OSBPL3: variants seen among roughly 807,000 people sequenced by gnomAD.
OSBPL3 encodes the protein oxysterol-binding protein-related protein 3.
A neutral mutation model predicts 120.1 loss-of-function variants in OSBPL3; 65 were observed. The observed-to-expected ratio is 0.54, with a 90% CI of 0.44 to 0.67. The LOEUF is 0.67. OSBPL3 is among the 30% of genes least tolerant of loss of function. The pLI is 0.00. For synonymous variants in OSBPL3, 416 were observed against 402.6 expected, an observed-to-expected ratio of 1.03 and a Z score of -0.40; for missense variants, 1,004 against 1,082.1, an observed-to-expected ratio of 0.93 and a Z score of 1.01.
intron 16 of OSBPL3, among the ~76,000 whole-genome samples, chr7:24,829,613 G>A (rs1796132164): frequency 6.6e-6 from 1 of 152,164 alleles, no homozygotes; most frequent in Non-Finnish European, 1.5e-5. Flanking sequence ...TAGGGGGTGA[G>A]AAATGTACAG....
chr7:24,886,108 C>T (rs1804493819), intron 2 of OSBPL3, among the ~76,000 whole-genome samples: 1 of 152,090 alleles, frequency 6.6e-6, no homozygotes, highest in Admixed American at 6.5e-5. Flanking sequence ...TTTATTCATT[C>T]ATTAATTTAA....
Position 24,952,229 on chromosome 7 carries a change from T to C in OSBPL3, c.-150+27657A>G, listed in dbSNP as rs367753588. ...TTCTGCTCAATAGGCTGATATTTCA[T>C]GTGGGTTAGGATCTGTAATCTAAAC... On this transcript the variant is annotated intron_variant, in intron 1 of 22. Coordinates refer to ENST00000313367, the MANE Select transcript of OSBPL3 (RefSeq NM_015550.4). The surrounding 1 kb of genome is among the most constrained non-coding windows in gnomAD (Gnocchi z 4.4). 2.0e-4 allele frequency among the ~76,000 whole-genome samples: 31 copies of C among 152,316 alleles called. No individual in the cohort carries two copies. In the East Asian group the frequency reaches 5.2e-3, roughly 26 times the overall value.
In OSBPL3 at chr7:24,965,748, A is replaced by C. The variant is rs1212651090; in HGVS notation, c.-150+14138T>G. On this transcript the variant is annotated intron_variant, in intron 1 of 22. Transcript: ENST00000313367. This position sits in a 1 kb window ranked among gnomAD's most constrained non-coding sequence, Gnocchi z 4.3. Reference sequence around the variant, plus strand: ...TTTGTTTTTGTGGAGACTGAGTCTCAGTATTCTAACCAGGCTGGTTTTGAA... The same window carrying C: ...TTTGTTTTTGTGGAGACTGAGTCTCCGTATTCTAACCAGGCTGGTTTTGAA... 1.3e-5 allele frequency among the ~76,000 whole-genome samples: 2 copies of C among 152,184 alleles called. No individual in the cohort carries two copies. The highest frequency in any genetic ancestry group is 4.8e-5 in the African/African-American group (2 of 41,442).
rs1163899698 is a variant in OSBPL3 at position 24,863,322 on chromosome 7, G to C, written c.778-30C>G. 1 of 1,576,842 alleles carries C rather than the reference G, an allele frequency of 6.3e-7. No homozygotes were observed. The highest frequency in any genetic ancestry group is 2.2e-5 in the East Asian group (1 of 44,702). On this transcript the variant is annotated intron_variant, in intron 8 of 22. Transcript: ENST00000313367. This position sits in a 1 kb window ranked among gnomAD's most constrained non-coding sequence, Gnocchi z 5.8. ...GTTTCAAAACAGGAAAGAGAGCACA[G>C]ACAGTAAAGTCCACCAAACCGACAA... is the stretch of plus-strand genomic sequence containing the variant.
chr7:24,970,431 C>T (rs868448391), intron 1 of OSBPL3, among the ~76,000 whole-genome samples: 2 of 152,138 alleles, frequency 1.3e-5, no homozygotes, highest in African/African-American at 2.4e-5. Context: ...TTATCTCAAT[C>T]CCATGTGCCC....
Position 24,936,932 on chromosome 7 carries a change from C to T in OSBPL3, c.-150+42954G>A, listed in dbSNP as rs1812492422. The stretch of plus-strand genomic sequence containing the variant: ...TATACCGGGTGAAAAACAATGAGGT[C>T]CTGACTAGAGGCAGCAACAGCAGTT... On this transcript the variant is annotated intron_variant, in intron 1 of 22. Coordinates refer to ENST00000313367, the MANE Select transcript of OSBPL3 (RefSeq NM_015550.4). The surrounding 1 kb of genome is among the most constrained non-coding windows in gnomAD (Gnocchi z 4.2). 1.3e-5 allele frequency among the ~76,000 whole-genome samples: 2 copies of T among 152,108 alleles called. No homozygotes were observed. The highest frequency in any genetic ancestry group is 2.4e-5 in the African/African-American group (1 of 41,424).
Position 24,922,454 on chromosome 7 carries a change from C to T in OSBPL3, c.-149-29833G>A. ...CAGCGTGGGAGGGAAATTAAGTTTT[C>T]GGTGGATACTGTGGTGCTTTTAGAG... On this transcript the variant is annotated intron_variant, in intron 1 of 22. Coordinates refer to ENST00000313367, the MANE Select transcript of OSBPL3 (RefSeq NM_015550.4). The surrounding 1 kb of genome is among the most constrained non-coding windows in gnomAD (Gnocchi z 4.3). Among the ~76,000 whole-genome samples the T allele has an allele frequency of 6.6e-6, 1 of 152,078 alleles. No homozygotes were observed. The highest frequency in any genetic ancestry group is 2.1e-4 in the South Asian group (1 of 4,830).
rs1263443645 is a variant in OSBPL3 at position 24,946,053 on chromosome 7, G to A, written c.-150+33833C>T. Among the ~76,000 whole-genome samples the A allele has an allele frequency of 6.6e-6, 1 of 152,186 alleles. No individual in the cohort carries two copies. Among genetic ancestry groups the A allele is most frequent in the Non-Finnish European group, 1.5e-5 (1 of 68,042 alleles). ...CCAGGTGGGGCTGGAGCTAGGTGGG[G>A]CTAGAGTCATCTGAAGGCTCAGCTG... On this transcript the variant is annotated intron_variant, in intron 1 of 22. Transcript: ENST00000313367. The surrounding 1 kb of genome is among the most constrained non-coding windows in gnomAD (Gnocchi z 4.3).
At position 24,833,867 on chromosome 7, in the gene OSBPL3, C is replaced by T. The variant is rs900356726; in HGVS notation, c.1746+619G>A. On this transcript the variant is annotated intron_variant, in intron 15 of 22. Transcript: ENST00000313367. This position sits in a 1 kb window ranked among gnomAD's most constrained non-coding sequence, Gnocchi z 4.4. The stretch of plus-strand genomic sequence containing the variant: ...GGAAAGATGAGAAATACTTGGAAGC[C>T]CTTTTAAAAGCCAGCATGCTGTGAC... Among the ~76,000 whole-genome samples the T allele has an allele frequency of 4.7e-4, 72 of 152,214 alleles. No individual in the cohort carries two copies. The highest frequency in any genetic ancestry group is 1.6e-3 in the African/African-American group (68 of 41,530).
intron 1 of OSBPL3, among the ~76,000 whole-genome samples, chr7:24,895,676 C>A (rs1461920806): frequency 6.6e-6 from 1 of 152,058 alleles, no homozygotes; most frequent in Non-Finnish European, 1.5e-5. Flanking sequence ...AGAGAGGAGG[C>A]CTCGGCAGGA....
intron 1 of OSBPL3, among the ~76,000 whole-genome samples, chr7:24,901,786 C>T (rs962113480): frequency 6.6e-6 from 1 of 152,194 alleles, no homozygotes; most frequent in African/African-American, 2.4e-5. Context: ...TCCAAAAAGA[C>T]AAGACAATGT....
chr7:24,939,849 AAG>A lies in OSBPL3; in HGVS notation c.-150+40035_-150+40036del, dbSNP rs1283032016. Among the ~76,000 whole-genome samples the A allele has an allele frequency of 7.2e-5, 11 of 152,168 alleles. No homozygotes were observed. The South Asian group carries it at 2.3e-3, about 32-fold the overall frequency. ...AACTAAAGTTAGGAGGGTGGGAGGA[AAG>A]AGGAGGGAGAGCATTAGGACAAATA... On this transcript the variant is annotated intron_variant, in intron 1 of 22. Coordinates refer to ENST00000313367, the MANE Select transcript of OSBPL3 (RefSeq NM_015550.4). This position sits in a 1 kb window ranked among gnomAD's most constrained non-coding sequence, Gnocchi z 4.2.
chr7:24,826,677 C>T (rs1026365543), intron 16 of OSBPL3, among the ~76,000 whole-genome samples: 4 of 152,068 alleles, frequency 2.6e-5, no homozygotes, highest in Admixed American at 2.6e-4. Flanking sequence ...CACAGAGCGC[C>T]GTTTTGGAGA....
intron 1 of OSBPL3, among the ~76,000 whole-genome samples, chr7:24,927,260 T>C (rs1423018217): frequency 6.6e-6 from 1 of 152,198 alleles, no homozygotes; most frequent in Admixed American, 6.5e-5. Context: ...TTATGTGCAG[T>C]TTAGAGTTTT....
In OSBPL3 at chr7:24,804,467, G is replaced by C. The variant is rs759660080; in HGVS notation, c.2445-30C>G. ...GGCATCGAGGAAAAAAAAATGAAAG[G>C]ATATGAATTCAAGAAAACAAAACAA... On this transcript the variant is annotated intron_variant, in intron 21 of 22. Coordinates refer to ENST00000313367, the MANE Select transcript of OSBPL3 (RefSeq NM_015550.4). This position sits in a 1 kb window ranked among gnomAD's most constrained non-coding sequence, Gnocchi z 5.4. The C allele has an allele frequency of 3.1e-6, 5 of 1,603,038 alleles. No homozygotes were observed. The highest frequency in any genetic ancestry group is 4.3e-6 in the Non-Finnish European group (5 of 1,173,450).
At position 24,898,983 on chromosome 7, in the gene OSBPL3, C is replaced by A. The variant is rs1806582995; in HGVS notation, c.-149-6362G>T. ...TTTCATGCGCTGCTCCTAGATTTGC[C>A]CTTGGTAACTACATAGAACAAGACA... On this transcript the variant is annotated intron_variant, in intron 1 of 22. Coordinates refer to ENST00000313367, the MANE Select transcript of OSBPL3 (RefSeq NM_015550.4). This position sits in a 1 kb window ranked among gnomAD's most constrained non-coding sequence, Gnocchi z 4.3. Among the ~76,000 whole-genome samples the A allele has an allele frequency of 6.6e-6, 1 of 152,118 alleles. No homozygotes were observed. The highest frequency in any genetic ancestry group is 2.4e-5 in the African/African-American group (1 of 41,398).
chr7:24,829,806 T>C (rs1796155349), intron 16 of OSBPL3, among the ~76,000 whole-genome samples: 1 of 152,216 alleles, frequency 6.6e-6, no homozygotes, highest in African/African-American at 2.4e-5. Context: ...ATACACTCTA[T>C]TTTAGGTAAA....
chr7:24,892,663 A>G, intron 1 of OSBPL3, 42 bp from the exon 2 acceptor site: 1 of 1,295,002 alleles, frequency 7.7e-7, no homozygotes, highest in Admixed American at 3.1e-5. Flanking sequence ...GGCATCAGAT[A>G]TCATCTCTAA....
intron 1 of OSBPL3, among the ~76,000 whole-genome samples, chr7:24,895,609 T>G (rs1259549133): frequency 1.3e-5 from 2 of 152,134 alleles, no homozygotes; most frequent in African/African-American, 4.8e-5. Flanking sequence ...GTCACTTGGA[T>G]GGAGGCAACT....
Sources: allele counts gnomAD v4.1 joint callset (sites outside exome capture counted in the v4.1 genomes callset), GRCh38; gene constraint gnomAD v4.1.1; non-coding constraint Gnocchi (gnomAD v3.1); transcripts MANE v1.5; gene names NCBI Gene and HGNC (gene_info 2026-07-23, HGNC 2026-07-21).